STRBP: variants seen among roughly 807,000 people sequenced by gnomAD.
STRBP encodes spermatid perinuclear RNA-binding protein.
STRBP carries 13 observed loss-of-function variants against 80.1 expected under a neutral mutation model. The ratio of observed to expected loss-of-function variants is 0.16; its 90% CI spans 0.11 to 0.26. The LOEUF (loss-of-function observed/expected upper bound fraction) is 0.26. Ranked by LOEUF, STRBP falls within the 10% of genes least tolerant of loss-of-function variation. The pLI is 1.00. For synonymous variants in STRBP, 284 were observed against 291.2 expected (o/e 0.98, Z 0.25); for missense variants, 485 against 815.2 (o/e 0.59, Z 4.93).
chr9:123,119,873 T>C (rs1048718592), downstream of STRBP, among the ~76,000 whole-genome samples: 1 of 152,236 alleles, frequency 6.6e-6, no homozygotes, highest in Non-Finnish European at 1.5e-5. Flanking sequence ...CTAGTCTCTA[T>C]TTCTAGCTGT....
At chr9:123,255,899 T>C (rs2041017535) in intron 1 of STRBP, among the ~76,000 whole-genome samples, 1 of 152,114 alleles carries the variant, frequency 6.6e-6, no homozygotes, top group Non-Finnish European at 1.5e-5. Flanking sequence ...CTGCTTATAC[T>C]GAGGGAACCC....
chr9:123,120,536 G>T (rs964093704), downstream of STRBP, among the ~76,000 whole-genome samples: 1 of 149,002 alleles, frequency 6.7e-6, no homozygotes, highest in African/African-American at 2.5e-5. Flanking sequence ...GATCTCCTTA[G>T]TTCTTTCCTC....
rs2041242031 is a variant in STRBP, at chr9:123,265,207, T to A, written c.-302+3229A>T. On this transcript the variant is annotated intron_variant, in intron 1 of 18. Coordinates refer to ENST00000348403, the MANE Select transcript of STRBP (RefSeq NM_018387.5). ...TTGCTTCCAGGTTTTTTTTTTAATA[T>A]TTATATTAACGGATTCCGATTACTT... 2.0e-5 allele frequency among the ~76,000 whole-genome samples: 3 copies of A among 152,270 alleles called. No homozygotes were observed. In the South Asian group the frequency reaches 6.2e-4, roughly 32 times the overall value.
intron 1 of STRBP, among the ~76,000 whole-genome samples, chr9:123,263,917 C>T (rs780864490): frequency 1.2e-4 from 18 of 152,214 alleles, no homozygotes; most frequent in Admixed American, 2.6e-4. Flanking sequence ...CGATGGCTCA[C>T]GCCTGTAATC....
chr9:123,190,733 T>C (rs532350307), intron 2 of STRBP, among the ~76,000 whole-genome samples: 1 of 152,308 alleles, frequency 6.6e-6, no homozygotes, highest in East Asian at 1.9e-4. Flanking sequence ...GCCAGCTAAG[T>C]CGAACCAGAA....
chr9:123,148,570 ATC>A (rs1218409721), intron 11 of STRBP, among the ~76,000 whole-genome samples: 1 of 152,228 alleles, frequency 6.6e-6, no homozygotes, highest in Admixed American at 6.5e-5. Flanking sequence ...CATTTCAAAC[ATC>A]TCTATAATTT....
rs1343241244 is a variant in STRBP, at chr9:123,123,280, G to C, written c.*2317C>G. On this transcript the variant is annotated 3_prime_UTR_variant, in exon 19 of 19. Coordinates refer to ENST00000348403, the MANE Select transcript of STRBP (RefSeq NM_018387.5). ...ATCTCAGGCAATTTGGTGAAGCCAA[G>C]AGCTTCATTTATATTTCTCTGCTCT... 2 of 985,254 alleles carry C rather than the reference G, an allele frequency of 2.0e-6. No homozygotes were observed. The highest frequency in any genetic ancestry group is 1.1e-4 in the East Asian group (1 of 8,822). 61.0% of individuals were successfully genotyped at this position (985,254 alleles called of 1,614,324 possible).
intron 6 of STRBP, among the ~76,000 whole-genome samples, chr9:123,162,700 C>A (rs1016671126): frequency 7.9e-5 from 12 of 152,332 alleles, no homozygotes; most frequent in Admixed American, 6.5e-4. Context: ...TTCCCATTAA[C>A]CACTGCTAAC....
At chr9:123,146,425 C>A (rs76358794) in intron 13 of STRBP, among the ~76,000 whole-genome samples, 1 of 149,410 alleles carries the variant, frequency 6.7e-6, no homozygotes, top group African/African-American at 2.5e-5. Context: ...TTAATCGTAC[C>A]GCCATTAAAA....
chr9:123,194,159 A>T (rs1394720568), intron 2 of STRBP, among the ~76,000 whole-genome samples: 1 of 152,124 alleles, frequency 6.6e-6, no homozygotes, highest in Non-Finnish European at 1.5e-5. Context: ...TGATTTTCTC[A>T]CACTTCTCTT....
At position 123,128,223 on chromosome 9, in the gene STRBP, G is replaced by A; in HGVS notation, c.1933C>T (p.Pro645Ser). 2 of 1,614,148 alleles carry A rather than the reference G, an allele frequency of 1.2e-6. No homozygotes were observed. Among genetic ancestry groups the A allele is most frequent in the Non-Finnish European group, 1.7e-6 (2 of 1,180,018 alleles). The part of the protein sequence containing the change: ...GTPYGYSTAA[P>S]AYGLPKRMVL... ...AAGATGGTGTACGTACCATAGGCAGGGGCAGCTGTGCTGTAACCATATGGT... is the reference window on the plus strand; with the variant it reads ...AAGATGGTGTACGTACCATAGGCAGAGGCAGCTGTGCTGTAACCATATGGT... Residue 645 changes from proline to serine, a missense_variant, in exon 18 of 19, where the codon CCT becomes TCT. Pro to Ser is a moderately conservative substitution (Grantham distance 74, BLOSUM62 -1). Around this residue, in one of 3 missense-constraint regions of STRBP, gnomAD observed 85 missense variants for 120.1 expected, o/e 0.71. Transcript: ENST00000348403.
At chr9:123,248,403 G>C (rs1459285386) in intron 1 of STRBP, among the ~76,000 whole-genome samples, 2 of 151,488 alleles carry the variant, frequency 1.3e-5, no homozygotes, top group Non-Finnish European at 2.9e-5. Context: ...GAGTAGCTGG[G>C]ATTACAGGCA....
intron 18 of STRBP, among the ~76,000 whole-genome samples, chr9:123,127,258 G>A (rs2035932314): frequency 6.6e-6 from 1 of 152,198 alleles, no homozygotes; most frequent in Non-Finnish European, 1.5e-5. Context: ...AACAAAAATG[G>A]CAAAGCAGAT....
In STRBP at chr9:123,136,343, A is replaced by G; in HGVS notation, c.1632+38T>C. 1 of 1,610,488 alleles carries G rather than the reference A, an allele frequency of 6.2e-7. No homozygotes were observed. The highest frequency in any genetic ancestry group is 8.5e-7 in the Non-Finnish European group (1 of 1,178,440). On this transcript the variant is annotated intron_variant, in intron 15 of 18. Coordinates refer to ENST00000348403, the MANE Select transcript of STRBP (RefSeq NM_018387.5). The surrounding 1 kb of genome is among the most constrained non-coding windows in gnomAD (Gnocchi z 4.2). ...AAGTTCAGGATATCCTATGTCTTTGAGAAGAAAGATAAGGCTGGCTTGTGT... is the reference window on the plus strand; with the variant it reads ...AAGTTCAGGATATCCTATGTCTTTGGGAAGAAAGATAAGGCTGGCTTGTGT...
intron 2 of STRBP, among the ~76,000 whole-genome samples, chr9:123,200,853 T>C (rs1287761226): frequency 6.9e-6 from 1 of 145,250 alleles, no homozygotes; most frequent in Non-Finnish European, 1.5e-5. Flanking sequence ...CATGCTGGGA[T>C]TACAGGCATG....
At position 123,203,227 on chromosome 9, in the gene STRBP, T is replaced by A. The variant is rs79051780; in HGVS notation, c.-164-18929A>T. Among the ~76,000 whole-genome samples, 637 of 151,956 alleles carry A rather than the reference T, an allele frequency of 4.2e-3. 21 individuals carry two copies. The East Asian group carries it at 0.049, about 12-fold the overall frequency. On this transcript the variant is annotated intron_variant, in intron 2 of 18. Coordinates refer to ENST00000348403, the MANE Select transcript of STRBP (RefSeq NM_018387.5). ...CAGGCATGGTGGCGTGTGCCTTCAG[T>A]CCTAACTACTTGGGAGGCTGAGGCA... is the stretch of plus-strand genomic sequence containing the variant.
At chr9:123,257,163 G>A (rs765682069) in intron 1 of STRBP, among the ~76,000 whole-genome samples, 6 of 151,862 alleles carry the variant, frequency 4.0e-5, no homozygotes, top group African/African-American at 1.2e-4. Flanking sequence ...ATATCGTATC[G>A]TCAACAAAAT....
At chr9:123,218,519 G>A (rs984616920) in intron 2 of STRBP, among the ~76,000 whole-genome samples, 24 of 151,032 alleles carry the variant, frequency 1.6e-4, no homozygotes, top group African/African-American at 5.1e-4. Flanking sequence ...ACAGGCGCCC[G>A]CCACCGCGCC....
rs978321167 is a variant in STRBP, at chr9:123,173,831, C to A, written c.236G>T (p.Gly79Val). The change falls in exon 5 of 19, where the codon GGT becomes GTT. Residue 79 changes from glycine (G) to valine (V), a missense_variant. Transcript: ENST00000348403. The part of the protein sequence containing the change: ...AGENYSKDQG[G>V]RTLCGVMRIG... The stretch of plus-strand genomic sequence containing the variant: ...CCTCATTACACCACACAATGTCCGA[C>A]CACCTTGATCCCTAAAAATAAAAGT... The A allele has an allele frequency of 1.3e-6, 2 of 1,593,736 alleles. No homozygotes were observed. Among genetic ancestry groups the A allele is most frequent in the African/African-American group, 2.7e-5 (2 of 73,456 alleles).
Sources: allele counts gnomAD v4.1 joint callset (sites outside exome capture counted in the v4.1 genomes callset), GRCh38; gene constraint gnomAD v4.1.1; regional missense constraint gnomAD v4.1.1; non-coding constraint Gnocchi (gnomAD v3.1); transcripts MANE v1.5; gene names NCBI Gene and HGNC (gene_info 2026-07-23, HGNC 2026-07-21).